SEPTIN14: variants seen among roughly 807,000 people sequenced by gnomAD.
The protein encoded by SEPTIN14 is septin 14, also known as septin-14.
A neutral mutation model predicts 53.6 loss-of-function variants in SEPTIN14; 40 were observed. That is an observed-to-expected ratio of 0.75 (90% CI 0.58 to 0.97). The LOEUF (loss-of-function observed/expected upper bound fraction) is 0.97. Ranked by LOEUF, SEPTIN14 falls within the 50% of genes least tolerant of loss-of-function variation. The probability of loss-of-function intolerance (pLI) is 0.00; values close to 1 mark genes in which losing one functional copy is unlikely to be tolerated. For missense variants in SEPTIN14, 471 were observed against 508.2 expected (o/e 0.93, Z 0.70); for synonymous variants, 138 against 166.8 (o/e 0.83, Z 1.33).
intron 2 of SEPTIN14, among the ~76,000 whole-genome samples, chr7:55,852,971 A>G (rs80001497): frequency 0.04 from 6,152 of 152,296 alleles, 157 homozygotes; most frequent in Admixed American, 0.061. Flanking sequence ...AGAAATTCCA[A>G]TCAAACCTAC....
intron 7 of SEPTIN14, chr7:55,811,099 G>C (rs1471040657): frequency 2.1e-6 from 1 of 469,266 alleles, no homozygotes; most frequent in Admixed American, 2.5e-5. Flanking sequence ...GCAGATGTCA[G>C]GGGTGTTTGA....
chr7:55,799,210 G>C (rs1788483252), intron 9 of SEPTIN14, among the ~76,000 whole-genome samples: 1 of 151,364 alleles, frequency 6.6e-6, no homozygotes, highest in Non-Finnish European at 1.5e-5. Flanking sequence ...AAAAGTGAAG[G>C]AATAGAAAAA....
chr7:55,838,966 G>A (rs1024509959), intron 5 of SEPTIN14, among the ~76,000 whole-genome samples: 1 of 152,138 alleles, frequency 6.6e-6, no homozygotes, highest in Non-Finnish European at 1.5e-5. Flanking sequence ...ATACTGTGAT[G>A]AAATGTCATG....
In SEPTIN14 at chr7:55,819,182, C is replaced by T. The variant is rs1410756419; in HGVS notation, c.762G>A (p.Val254=). Residue 254 remains valine (V), a synonymous_variant, in exon 7 of 10, where the codon GTG becomes GTA. Coordinates refer to ENST00000388975, the MANE Select transcript of SEPTIN14 (RefSeq NM_207366.3). Reference sequence around the variant, plus strand: ...CTCTGACCATCCTTTTTCCAACTTTCACTTCATCTGTACTCCCTACCACAG... The same window carrying T: ...CTCTGACCATCCTTTTTCCAACTTTTACTTCATCTGTACTCCCTACCACAG... ...PFAVVGSTDE[V]KVGKRMVRGR... The T allele has an allele frequency of 6.3e-7, 1 of 1,582,782 alleles. No homozygotes were observed. The highest frequency in any genetic ancestry group is 1.3e-5 in the African/African-American group (1 of 74,510).
intron 7 of SEPTIN14, among the ~76,000 whole-genome samples, chr7:55,808,349 A>C (rs1788642352): frequency 6.6e-6 from 1 of 152,236 alleles, no homozygotes; most frequent in Admixed American, 6.5e-5. Flanking sequence ...ACTAGGGTAC[A>C]TACCCAGTAG....
chr7:55,846,257 C>T (rs1023982519), intron 3 of SEPTIN14, among the ~76,000 whole-genome samples: 9 of 151,124 alleles, frequency 6.0e-5, no homozygotes, highest in African/African-American at 2.2e-4. Context: ...CTTTGGGAAG[C>T]TGAGGTGGGC....
chr7:55,862,087 T>C, intron 1 of SEPTIN14, 76 bp from the exon 2 acceptor site: 1 of 850,300 alleles, frequency 1.2e-6, no homozygotes, highest in East Asian at 2.8e-5. Flanking sequence ...TTTAGATAAT[T>C]AGGGGGCATA....
chr7:55,816,114 C>T (rs531042197), intron 7 of SEPTIN14, among the ~76,000 whole-genome samples: 1 of 152,280 alleles, frequency 6.6e-6, no homozygotes, highest in East Asian at 1.9e-4. Context: ...ACAAACTTCA[C>T]ATATTCTCAC....
At chr7:55,826,799 GAA>G (rs201714281) in intron 6 of SEPTIN14, among the ~76,000 whole-genome samples, 23 of 130,676 alleles carry the variant, frequency 1.8e-4, no homozygotes, top group Admixed American at 3.1e-4. Flanking sequence ...CACTGTCCCA[GAA>G]AAAAAAAAAA....
intron 2 of SEPTIN14, among the ~76,000 whole-genome samples, chr7:55,860,172 T>G (rs952721613): frequency 1.5e-5 from 2 of 132,892 alleles, no homozygotes; most frequent in African/African-American, 2.8e-5. Context: ...AGAGTGAAAC[T>G]CCATCTCAAA....
chr7:55,814,327 A>T (rs761466994), intron 7 of SEPTIN14, among the ~76,000 whole-genome samples: 2 of 152,228 alleles, frequency 1.3e-5, no homozygotes, highest in Non-Finnish European at 2.9e-5. Flanking sequence ...AGACCATCCC[A>T]GAAAACATGA....
chr7:55,807,407 T>C (rs111264489), intron 7 of SEPTIN14, 149 bp from the exon 8 acceptor site: 1 of 572,544 alleles, frequency 1.7e-6, no homozygotes, highest in Non-Finnish European at 3.0e-6. Context: ...CTTTTAAGCA[T>C]GTAAGTGTGG....
At chr7:55,834,863 T>C (rs952057269) in intron 5 of SEPTIN14, among the ~76,000 whole-genome samples, 5 of 152,100 alleles carry the variant, frequency 3.3e-5, no homozygotes, top group African/African-American at 7.2e-5. Flanking sequence ...GCCAGGATGG[T>C]CTCAATCTCC....
chr7:55,852,382 C>T (rs1434429802), intron 2 of SEPTIN14, among the ~76,000 whole-genome samples: 1 of 152,044 alleles, frequency 6.6e-6, no homozygotes, highest in African/African-American at 2.4e-5. Context: ...GAAATAAATT[C>T]AGACATGTAC....
chr7:55,795,404 G>A lies in SEPTIN14; in HGVS notation c.*509C>T, dbSNP rs6964196. ...ATATTTGTGTTAGTGTACGTCCTAAGTGCCAAGATACAGAATCTGAAAAGA... is the reference window on the plus strand; with the variant it reads ...ATATTTGTGTTAGTGTACGTCCTAAATGCCAAGATACAGAATCTGAAAAGA... On this transcript the variant is annotated 3_prime_UTR_variant, in exon 10 of 10. Transcript: ENST00000388975. 32,995 of 155,714 alleles carry A rather than the reference G, an allele frequency of 0.21. 4,108 individuals are homozygous for A. Among genetic ancestry groups the A allele is most frequent in the Middle Eastern group, 0.27 (79 of 298 alleles). 9.6% of individuals were successfully genotyped at this position (155,714 alleles called of 1,614,324 possible).
intron 7 of SEPTIN14, among the ~76,000 whole-genome samples, chr7:55,818,612 C>T (rs189485452): frequency 7.6e-4 from 116 of 152,030 alleles, no homozygotes; most frequent in African/African-American, 2.6e-3. Context: ...CATTATGATG[C>T]TAAATAATAA....
intron 6 of SEPTIN14, among the ~76,000 whole-genome samples, chr7:55,830,335 A>T (rs1789080054): frequency 2.9e-5 from 1 of 34,308 alleles, no homozygotes; most frequent in African/African-American, 1.5e-4. Context: ...ATATATATAT[A>T]TATATATATA....
chr7:55,806,841 T>C (rs191404668), intron 8 of SEPTIN14, among the ~76,000 whole-genome samples: 73 of 152,310 alleles, frequency 4.8e-4, no homozygotes, highest in African/African-American at 1.6e-3. Context: ...TTTTCATCAA[T>C]ATACATTTCA....
chr7:55,811,230 A>G, intron 7 of SEPTIN14: 1 of 528,006 alleles, frequency 1.9e-6, no homozygotes, highest in Non-Finnish European at 3.8e-6. Context: ...TGCCTTGGGG[A>G]GCCGCAGGAT....
Sources: allele counts gnomAD v4.1 joint callset (sites outside exome capture counted in the v4.1 genomes callset), GRCh38; gene constraint gnomAD v4.1.1; transcripts MANE v1.5; gene names NCBI Gene and HGNC (gene_info 2026-07-23, HGNC 2026-07-21).